ROCK1: variants seen among roughly 807,000 people sequenced by gnomAD.
The protein encoded by ROCK1 is Rho associated coiled-coil containing protein kinase 1.
In ROCK1, 36 loss-of-function variants were observed where a neutral mutation model predicts 196.8. The ratio of observed to expected loss-of-function variants is 0.18; its 90% confidence interval spans 0.14 to 0.24. The LOEUF is 0.24. ROCK1 is among the 10% of genes least tolerant of loss of function. ROCK1 has a pLI of 1.00. For synonymous variants in ROCK1, 443 were observed against 515.9 expected (o/e 0.86, Z 1.91); for missense variants, 920 against 1,562.0 (o/e 0.59, Z 6.93).
Position 20,950,644 on chromosome 18 carries a change from G to C in ROCK1, c.*740C>G, listed in dbSNP as rs1440584649. ...TAAACTTGGTTCTTTTGTACAGTTAGTTTCCTAATGTCTCTAGTAGTAAAA... is the reference window on the plus strand; with the variant it reads ...TAAACTTGGTTCTTTTGTACAGTTACTTTCCTAATGTCTCTAGTAGTAAAA... On this transcript the variant is annotated 3_prime_UTR_variant, in exon 33 of 33. Coordinates refer to ENST00000399799, the MANE Select transcript of ROCK1 (RefSeq NM_005406.3). The C allele has an allele frequency of 6.6e-6, 1 of 152,234 alleles. No homozygotes were observed. The highest frequency in any genetic ancestry group is 1.9e-4 in the East Asian group (1 of 5,194). 9.4% of individuals were successfully genotyped at this position (152,234 alleles called of 1,614,324 possible). A position where few individuals can be genotyped will look rare whatever the true frequency, so the allele number is the denominator to read the frequency against.
intron 8 of ROCK1, among the ~76,000 whole-genome samples, chr18:21,039,802 A>G (rs1193289084): frequency 6.6e-6 from 1 of 152,208 alleles, no homozygotes; most frequent in Admixed American, 6.5e-5. Context: ...TCATGCCTAT[A>G]ATCCCAGCAC....
intron 8 of ROCK1, 89 bp downstream of exon 8, chr18:21,042,008 A>C: frequency 8.6e-7 from 1 of 1,164,142 alleles, no homozygotes; most frequent in Non-Finnish European, 1.2e-6. Flanking sequence ...AACAATTTAC[A>C]TGTAGAAGCT....
Position 21,083,730 on chromosome 18 carries a change from G to T in ROCK1, c.94-13117C>A, listed in dbSNP as rs1387595835. Among the ~76,000 whole-genome samples the T allele has an allele frequency of 2.0e-5, 3 of 152,268 alleles. No individual in the cohort carries two copies. The East Asian group carries it at 5.8e-4, about 29-fold the overall frequency. On this transcript the variant is annotated intron_variant, in intron 1 of 32. Transcript: ENST00000399799. Reference sequence around the variant, plus strand: ...CTGGCTAACATTATGTAAGAATACAGTACATATATTTACATATAACATACA... The same window carrying T: ...CTGGCTAACATTATGTAAGAATACATTACATATATTTACATATAACATACA...
chr18:20,948,711 A>G lies in ROCK1; in HGVS notation c.*2673T>C, dbSNP rs1427152732. The G allele has an allele frequency of 3.3e-5, 5 of 151,448 alleles. No individual in the cohort carries two copies. The highest frequency in any genetic ancestry group is 2.1e-4 in the South Asian group (1 of 4,812). The allele number at this position is 151,448 out of a possible 1,614,324, so 9.4% of individuals were successfully genotyped here. A position where few individuals can be genotyped will look rare whatever the true frequency, so the allele number is the denominator to read the frequency against. ...CAAATTAGAGAGAAAGCTAGAGGCT[A>G]TATTTCTCAGACTTTCTTGCAGCTA... is the stretch of plus-strand genomic sequence containing the variant. On this transcript the variant is annotated 3_prime_UTR_variant, in exon 33 of 33. Transcript: ENST00000399799.
intron 10 of ROCK1, among the ~76,000 whole-genome samples, chr18:21,024,944 A>G (rs1170383225): frequency 6.6e-6 from 1 of 152,240 alleles, no homozygotes; most frequent in Non-Finnish European, 1.5e-5. Context: ...CTGCTTATGT[A>G]ATATAAATAA....
chr18:21,075,178 A>G (rs889409492), intron 1 of ROCK1, among the ~76,000 whole-genome samples: 3 of 152,204 alleles, frequency 2.0e-5, no homozygotes, highest in African/African-American at 7.2e-5. Context: ...TAAAGATGAT[A>G]AATTAAAAGT....
intron 1 of ROCK1, among the ~76,000 whole-genome samples, chr18:21,096,635 G>A (rs1420714239): frequency 2.6e-5 from 4 of 152,180 alleles, no homozygotes; most frequent in Non-Finnish European, 5.9e-5. Context: ...GAGCATTATT[G>A]AACATGATGT....
intron 10 of ROCK1, among the ~76,000 whole-genome samples, chr18:21,027,750 A>ATTTTTTTT (rs751964514): frequency 1.0e-5 from 1 of 95,288 alleles, no homozygotes; most frequent in Non-Finnish European, 1.9e-5. Flanking sequence ...GAATCACTTA[A>ATTTTTTTT]TTTTTTTTTT....
At chr18:21,080,875 T>C (rs1417222957) in intron 1 of ROCK1, among the ~76,000 whole-genome samples, 2 of 152,250 alleles carry the variant, frequency 1.3e-5, no homozygotes, top group South Asian at 2.1e-4. Flanking sequence ...GAAGCAAACA[T>C]TGAAAGAATT....
At chr18:21,051,982 A>C (rs2036207179) in intron 2 of ROCK1, among the ~76,000 whole-genome samples, 1 of 152,230 alleles carries the variant, frequency 6.6e-6, no homozygotes, top group African/African-American at 2.4e-5. Flanking sequence ...GGAGAATTTT[A>C]AGAGTATTGT....
chr18:21,065,693 C>G (rs568358471), intron 2 of ROCK1, among the ~76,000 whole-genome samples: 1 of 152,274 alleles, frequency 6.6e-6, no homozygotes, highest in South Asian at 2.1e-4. Flanking sequence ...TATCATCTCT[C>G]TAACTCCTAT....
chr18:21,048,166 G>A (rs1293726358), intron 4 of ROCK1, among the ~76,000 whole-genome samples: 5 of 152,278 alleles, frequency 3.3e-5, no homozygotes, highest in Admixed American at 1.3e-4. Flanking sequence ...TTGTGGCCCA[G>A]AGATGTTAAG....
At position 20,950,045 on chromosome 18, in the gene ROCK1, C is replaced by T. The variant is rs1478713522; in HGVS notation, c.*1339G>A. 6.5e-6 allele frequency: 1 copy of T among 152,750 alleles called. No homozygotes were observed. Among genetic ancestry groups the T allele is most frequent in the East Asian group, 1.9e-4 (1 of 5,196 alleles). 9.5% of individuals were successfully genotyped at this position (152,750 alleles called of 1,614,324 possible). On this transcript the variant is annotated 3_prime_UTR_variant, in exon 33 of 33. Coordinates refer to ENST00000399799, the MANE Select transcript of ROCK1 (RefSeq NM_005406.3). Reference sequence around the variant, plus strand: ...TTTCCAGTGCTTCTTATCTGATACACATTACTGCAAAGCCATTATAAATTA... The same window carrying T: ...TTTCCAGTGCTTCTTATCTGATACATATTACTGCAAAGCCATTATAAATTA...
chr18:20,992,941 T>C lies in ROCK1; in HGVS notation c.1886-4A>G. The C allele has an allele frequency of 1.9e-6, 3 of 1,588,728 alleles. No homozygotes were observed. The highest frequency in any genetic ancestry group is 2.6e-6 in the Non-Finnish European group (3 of 1,158,716). Reference sequence around the variant, plus strand: ...TCTTGTAAAGATGTAATTCGAGCTATCAAGTGAGAAAAAAGTTCAAGTCTG... The same window carrying C: ...TCTTGTAAAGATGTAATTCGAGCTACCAAGTGAGAAAAAAGTTCAAGTCTG... On this transcript the variant is annotated splice_region_variant and splice_polypyrimidine_tract_variant and intron_variant, in intron 16 of 32. Coordinates refer to ENST00000399799, the MANE Select transcript of ROCK1 (RefSeq NM_005406.3).
chr18:21,005,551 A>G (rs412957), intron 16 of ROCK1, among the ~76,000 whole-genome samples: 2,338 of 152,266 alleles, frequency 0.015, 60 homozygotes, highest in African/African-American at 0.053. Flanking sequence ...AGAAATTACA[A>G]TGTGATACAA....
In ROCK1 at chr18:21,032,016, G is replaced by C. The variant is rs1272579583; in HGVS notation, c.1052-3081C>G. Among the ~76,000 whole-genome samples the C allele has an allele frequency of 2.0e-5, 3 of 152,314 alleles. No individual in the cohort carries two copies. The East Asian group carries it at 5.8e-4, about 29-fold the overall frequency. ...AACCAGACCAACATACACATTATGGGAGTTCCAGAAGGAGAGAAAGGGGCA... is the reference window on the plus strand; with the variant it reads ...AACCAGACCAACATACACATTATGGCAGTTCCAGAAGGAGAGAAAGGGGCA... On this transcript the variant is annotated intron_variant, in intron 9 of 32. Coordinates refer to ENST00000399799, the MANE Select transcript of ROCK1 (RefSeq NM_005406.3).
chr18:21,095,964 C>T (rs905472877), intron 1 of ROCK1, among the ~76,000 whole-genome samples: 1 of 150,930 alleles, frequency 6.6e-6, no homozygotes, highest in Non-Finnish European at 1.5e-5. Context: ...ATATATACAC[C>T]TACTATGTAT....
intron 2 of ROCK1, among the ~76,000 whole-genome samples, chr18:21,066,324 C>A (rs2036334063): frequency 6.6e-6 from 1 of 152,080 alleles, no homozygotes; most frequent in Non-Finnish European, 1.5e-5. Context: ...ATTATGATTT[C>A]ATGGTAGCCA....
chr18:21,028,784 G>A lies in ROCK1; in HGVS notation c.1203C>T (p.Ser401=), dbSNP rs752285578. The part of the protein sequence containing the change: ...QLPFVGFTYY[S]NRRYLSSANP... ...CTGTTTAGCATACTTACCTACGATT[G>A]CTATAATATGTAAATCCTACAAAAG... is the stretch of plus-strand genomic sequence containing the variant. Residue 401 remains serine (S), a synonymous_variant, in exon 10 of 33, where the codon AGC becomes AGT. Coordinates refer to ENST00000399799, the MANE Select transcript of ROCK1 (RefSeq NM_005406.3). The A allele has an allele frequency of 1.2e-6, 2 of 1,607,034 alleles. No homozygotes were observed. Among genetic ancestry groups the A allele is most frequent in the Admixed American group, 3.5e-5 (2 of 57,648 alleles).
Sources: allele counts gnomAD v4.1 joint callset (sites outside exome capture counted in the v4.1 genomes callset), GRCh38; gene constraint gnomAD v4.1.1; transcripts MANE v1.5; gene names NCBI Gene and HGNC (gene_info 2026-07-23, HGNC 2026-07-21).